Variants in PIGN observed in about 807,000 individuals in gnomAD.
PIGN encodes the protein phosphatidylinositol glycan anchor biosynthesis class N, also known as GPI ethanolamine phosphate transferase 1.
PIGN carries 117 observed loss-of-function variants against 125.4 expected under a neutral mutation model. That is an observed-to-expected ratio of 0.93 (90% confidence interval 0.80 to 1.09). The LOEUF (loss-of-function observed/expected upper bound fraction) is 1.09. PIGN is among the 50% of genes least tolerant of loss of function. The pLI is 0.00. For missense variants in PIGN, 1,075 were observed against 1,094.9 expected (o/e 0.98, Z 0.26); for synonymous variants, 392 against 377.8 (o/e 1.04, Z -0.44).
intron 14 of PIGN, among the ~76,000 whole-genome samples, chr18:62,121,611 C>A (rs959198951): frequency 1.3e-5 from 2 of 151,974 alleles, no homozygotes; most frequent in African/African-American, 4.8e-5. Flanking sequence ...TGAGTGAGAA[C>A]ATGTAAAATT....
chr18:62,179,774 AAGCCATCTG>A (rs1207398563), intron 1 of PIGN, among the ~76,000 whole-genome samples: 1 of 152,078 alleles, frequency 6.6e-6, no homozygotes, highest in African/African-American at 2.4e-5. Flanking sequence ...ACATAAATAA[AAGCCATCTG>A]TCATTCTACA....
chr18:62,160,776 T>C (rs1400548923), intron 4 of PIGN, among the ~76,000 whole-genome samples: 1 of 152,212 alleles, frequency 6.6e-6, no homozygotes, highest in African/African-American at 2.4e-5. Context: ...CCCAAAGTGC[T>C]GGGATTACAG....
At chr18:62,152,729 T>C (rs995804385) in intron 7 of PIGN, among the ~76,000 whole-genome samples, 4 of 152,136 alleles carry the variant, frequency 2.6e-5, no homozygotes, top group Admixed American at 2.0e-4. Context: ...GTCCGGTTTA[T>C]ACTAAATATG....
intron 23 of PIGN, among the ~76,000 whole-genome samples, chr18:62,019,123 C>A (rs1277383444): frequency 6.6e-6 from 1 of 152,144 alleles, no homozygotes; most frequent in African/African-American, 2.4e-5. Context: ...ATGGGAGGAT[C>A]CCTCAAGTCT....
At chr18:62,146,781 T>A (rs1445507552) in intron 9 of PIGN, among the ~76,000 whole-genome samples, 190 bp downstream of exon 9, 1 of 152,222 alleles carries the variant, frequency 6.6e-6, no homozygotes, top group African/African-American at 2.4e-5. Context: ...ATATATTCGT[T>A]TTTTAGTTAG....
chr18:62,163,701 C>T (rs2147667815), intron 1 of PIGN, 45 bp from the exon 2 acceptor site: 1 of 152,238 alleles, frequency 6.6e-6, no homozygotes, highest in African/African-American at 2.4e-5. Flanking sequence ...ATTCACATAA[C>T]ATTTACCATT....
chr18:62,022,534 A>G (rs600147), intron 23 of PIGN, among the ~76,000 whole-genome samples: 100,198 of 152,072 alleles, frequency 0.66, 34,544 homozygotes, highest in African/African-American at 0.87. Context: ...ATGGTAGTGC[A>G]GGACTATAAA....
In PIGN at chr18:62,045,907, G is replaced by C. The variant is rs764309084; in HGVS notation, c.2745C>G (p.Leu915=). The change falls in exon 31 of 31, where the codon CTC becomes CTG. Residue 915 remains leucine, a synonymous_variant. Transcript: ENST00000640252. ...CACATAGTCTGAGTTTCTTCGTTGT[G>C]AGCAGCTGGGCCAGGCCATTGAGGA... ...LVFLNGLAQL[L]TTKKLRLCGK... 14 of 1,613,780 alleles carry C rather than the reference G, an allele frequency of 8.7e-6. No individual in the cohort carries two copies. The highest frequency in any genetic ancestry group is 1.2e-5 in the Non-Finnish European group (14 of 1,179,794).
At chr18:62,110,543 G>C (rs28532748) in intron 16 of PIGN, among the ~76,000 whole-genome samples, 59 of 152,172 alleles carry the variant, frequency 3.9e-4, no homozygotes, top group African/African-American at 1.4e-3. Context: ...AAAGGTCAGG[G>C]ACTTTAAGTA....
chr18:62,138,980 T>C lies in PIGN; in HGVS notation c.1116+3A>G, dbSNP rs760033956. 6.5e-7 allele frequency: 1 copy of C among 1,537,122 alleles called. No homozygotes were observed. The highest frequency in any genetic ancestry group is 2.3e-5 in the East Asian group (1 of 43,892). ...TGCGTGCCTTTTTGAATTTTTTTTT[T>C]ACCTTGAACTGTTCAAGAATCTGTA... is the stretch of plus-strand genomic sequence containing the variant. On this transcript the variant is annotated splice_donor_region_variant and intron_variant, in intron 13 of 30. Transcript: ENST00000640252.
At chr18:62,071,499 C>T (rs2032842034) in intron 30 of PIGN, among the ~76,000 whole-genome samples, 1 of 152,072 alleles carries the variant, frequency 6.6e-6, no homozygotes, top group Non-Finnish European at 1.5e-5. Flanking sequence ...ATATGGGCAC[C>T]TTCTATACTA....
rs149967891 is a variant in PIGN at position 62,085,952 on chromosome 18, G to A, written c.2371-688C>T. Among the ~76,000 whole-genome samples the A allele has an allele frequency of 9.7e-4, 147 of 152,302 alleles. 3 individuals are homozygous for A. In the East Asian group the frequency reaches 0.017, roughly 18 times the overall value. ...CCCACAGAAATGGTGAGGCAACGCC[G>A]AAGAGGAAGTACGAATCATGACAAT... On this transcript the variant is annotated intron_variant, in intron 25 of 30. Transcript: ENST00000640252.
At chr18:62,093,028 CA>C (rs1298276442) in intron 23 of PIGN, among the ~76,000 whole-genome samples, 3 of 152,030 alleles carry the variant, frequency 2.0e-5, no homozygotes, top group African/African-American at 7.2e-5. Context: ...CTCTATTGTA[CA>C]CTAGCAGTAC....
intron 1 of PIGN, among the ~76,000 whole-genome samples, chr18:62,169,696 C>T (rs1285286461): frequency 2.0e-5 from 3 of 151,810 alleles, no homozygotes; most frequent in South Asian, 2.1e-4. Flanking sequence ...TCACGGCTTA[C>T]TGCAGCCTTG....
chr18:62,088,019 C>A (rs1487141406), intron 25 of PIGN, among the ~76,000 whole-genome samples: 1 of 152,046 alleles, frequency 6.6e-6, no homozygotes, highest in East Asian at 1.9e-4. Flanking sequence ...AGTGTTCTCA[C>A]TGCAAAAACA....
chr18:62,074,219 A>G (rs561197259), intron 29 of PIGN, among the ~76,000 whole-genome samples: 2 of 152,340 alleles, frequency 1.3e-5, no homozygotes, highest in East Asian at 3.9e-4. Context: ...ATTTCAGTGA[A>G]TTCTAGTGAA....
At chr18:62,065,424 G>A (rs2032449809) in intron 30 of PIGN, among the ~76,000 whole-genome samples, 1 of 152,172 alleles carries the variant, frequency 6.6e-6, no homozygotes. Context: ...ACTGAATAAG[G>A]GGCAGGATGA....
intron 29 of PIGN, among the ~76,000 whole-genome samples, chr18:62,073,679 C>T (rs954789260): frequency 6.6e-6 from 1 of 152,164 alleles, no homozygotes; most frequent in Admixed American, 6.5e-5. Flanking sequence ...GGTTCACCAC[C>T]ACACAAAAGT....
intron 30 of PIGN, among the ~76,000 whole-genome samples, chr18:62,062,103 T>A (rs1304870119): frequency 5.3e-5 from 8 of 152,088 alleles, no homozygotes; most frequent in African/African-American, 1.9e-4. Flanking sequence ...AAGAAAAACA[T>A]CACATTGCAG....
Sources: allele counts gnomAD v4.1 joint callset (sites outside exome capture counted in the v4.1 genomes callset), GRCh38; gene constraint gnomAD v4.1.1; transcripts MANE v1.5; gene names NCBI Gene and HGNC (gene_info 2026-07-23, HGNC 2026-07-21).